RIMS2: variants seen among roughly 807,000 people sequenced by gnomAD.
RIMS2 encodes the protein regulating synaptic membrane exocytosis 2.
A neutral mutation model predicts 174.4 loss-of-function variants in RIMS2; 59 were observed. The ratio of observed to expected loss-of-function variants is 0.34; its 90% CI spans 0.27 to 0.42. The LOEUF is 0.42. Among genes scored for constraint, RIMS2 ranks in the 10% least tolerant of loss-of-function variants. RIMS2 has a pLI of 1.00. For missense variants in RIMS2, 1,620 were observed against 1,666.3 expected (o/e 0.97, Z 0.48); for synonymous variants, 606 against 572.5 (o/e 1.06, Z -0.84).
intron 2 of RIMS2, among the ~76,000 whole-genome samples, chr8:103,725,123 A>G (rs2097510731): frequency 6.6e-6 from 1 of 151,800 alleles, no homozygotes; most frequent in Admixed American, 6.6e-5. Flanking sequence ...GCAGATTACA[A>G]CTCCTATCTC....
intron 15 of RIMS2, among the ~76,000 whole-genome samples, chr8:103,973,565 A>C (rs2093125521): frequency 6.6e-6 from 1 of 152,234 alleles, no homozygotes; most frequent in Non-Finnish European, 1.5e-5. Flanking sequence ...GAGTATATCT[A>C]GATGGAAAGA....
intron 1 of RIMS2, among the ~76,000 whole-genome samples, chr8:103,608,680 A>G (rs866319876): frequency 5.9e-5 from 9 of 151,904 alleles, no homozygotes; most frequent in Admixed American, 2.0e-4. Context: ...CATGTGCAGG[A>G]TATAATCTCA....
intron 3 of RIMS2, among the ~76,000 whole-genome samples, chr8:103,771,678 G>A (rs2098255026): frequency 6.6e-6 from 1 of 152,076 alleles, no homozygotes; most frequent in Non-Finnish European, 1.5e-5. Flanking sequence ...ATCCTGAGAA[G>A]ACTTCCAGTT....
intron 19 of RIMS2, among the ~76,000 whole-genome samples, chr8:104,134,375 G>T (rs917286370): frequency 1.2e-4 from 19 of 152,208 alleles, no homozygotes; most frequent in African/African-American, 4.6e-4. Flanking sequence ...TGAGGTAGGA[G>T]AATTGCTTGA....
intron 18 of RIMS2, among the ~76,000 whole-genome samples, chr8:104,014,112 G>A (rs1279058881): frequency 2.0e-5 from 3 of 152,100 alleles, no homozygotes; most frequent in African/African-American, 7.2e-5. Flanking sequence ...TTTAATATAA[G>A]CCTGAGTAAA....
intron 19 of RIMS2, among the ~76,000 whole-genome samples, chr8:104,229,812 A>G (rs1435098384): frequency 1.3e-5 from 2 of 152,142 alleles, no homozygotes; most frequent in African/African-American, 4.8e-5. Context: ...AGTTTGGTCC[A>G]TCCCAATACA....
chr8:104,115,349 A>C (rs1348157012), intron 19 of RIMS2, among the ~76,000 whole-genome samples: 1 of 152,104 alleles, frequency 6.6e-6, no homozygotes, highest in Non-Finnish European at 1.5e-5. Flanking sequence ...TATAATGAGA[A>C]TTACATGCAG....
intron 4 of RIMS2, among the ~76,000 whole-genome samples, chr8:103,887,449 A>G (rs2099210536): frequency 1.3e-5 from 2 of 151,474 alleles, no homozygotes; most frequent in African/African-American, 4.8e-5. Flanking sequence ...TTTCATCTTT[A>G]AAAGCTCTTT....
At chr8:103,993,385 C>G (rs1306354544) in intron 17 of RIMS2, among the ~76,000 whole-genome samples, 1 of 151,948 alleles carries the variant, frequency 6.6e-6, no homozygotes, top group African/African-American at 2.4e-5. Context: ...GATATATATT[C>G]TAAAAAGGAA....
chr8:103,968,698 A>G (rs528251425), intron 15 of RIMS2, among the ~76,000 whole-genome samples: 1 of 152,136 alleles, frequency 6.6e-6, no homozygotes, highest in African/African-American at 2.4e-5. Flanking sequence ...AATTGAATAC[A>G]TTGTTGCTAT....
chr8:103,817,290 A>G (rs952779205), intron 3 of RIMS2, among the ~76,000 whole-genome samples: 4 of 152,178 alleles, frequency 2.6e-5, no homozygotes, highest in African/African-American at 9.7e-5. Context: ...TAGTTTTCCT[A>G]TTCATCTATT....
chr8:104,087,165 GAAT>G (rs2154564095), intron 19 of RIMS2, among the ~76,000 whole-genome samples: 1 of 152,026 alleles, frequency 6.6e-6, no homozygotes, highest in East Asian at 1.9e-4. Context: ...CTTCATAATG[GAAT>G]AATACTTCAG....
chr8:103,999,663 C>T (rs2095298617), intron 17 of RIMS2, among the ~76,000 whole-genome samples: 1 of 151,686 alleles, frequency 6.6e-6, no homozygotes, highest in South Asian at 2.1e-4. Context: ...TCTGGTGTCT[C>T]TTCATTTCAT....
chr8:103,687,920 T>G (rs2096962759), intron 1 of RIMS2, among the ~76,000 whole-genome samples: 2 of 152,096 alleles, frequency 1.3e-5, no homozygotes, highest in African/African-American at 4.8e-5. Flanking sequence ...CACTGATGGA[T>G]ACTTACATTG....
chr8:103,611,043 C>G (rs201864427), intron 1 of RIMS2, among the ~76,000 whole-genome samples: 1 of 152,060 alleles, frequency 6.6e-6, no homozygotes, highest in African/African-American at 2.4e-5. Context: ...CTTCCTGGTT[C>G]AGTCTTGGGA....
chr8:103,540,496 A>AC (rs1842041578), intron 1 of RIMS2, among the ~76,000 whole-genome samples: 1 of 152,100 alleles, frequency 6.6e-6, no homozygotes, highest in African/African-American at 2.4e-5. Flanking sequence ...GCACCCTTGT[A>AC]CCCCCACCAT....
rs16870984 is a variant in RIMS2 at position 104,120,925 on chromosome 8, C to T, written c.3334+106310C>T. On this transcript the variant is annotated intron_variant, in intron 19 of 23. Coordinates refer to ENST00000504942, the Ensembl canonical transcript of RIMS2. The stretch of plus-strand genomic sequence containing the variant: ...AACATGGGGATTAGCTAACTACTCT[C>T]TCACCTTGGCAGTATTTTACAAGAA... Among the ~76,000 whole-genome samples, 158 of 152,306 alleles carry T rather than the reference C, an allele frequency of 1.0e-3. 1 individual carries two copies. In the East Asian group the frequency reaches 0.021, roughly 20 times the overall value.
intron 3 of RIMS2, among the ~76,000 whole-genome samples, chr8:103,851,670 C>T (rs1366935731): frequency 6.6e-6 from 1 of 151,042 alleles, no homozygotes; most frequent in Non-Finnish European, 1.5e-5. Context: ...CACACACACA[C>T]ACACACACAC....
chr8:104,111,218 G>T (rs1299161932), intron 19 of RIMS2, among the ~76,000 whole-genome samples: 1 of 152,092 alleles, frequency 6.6e-6, no homozygotes, highest in African/African-American at 2.4e-5. Flanking sequence ...CTCAAGCAAT[G>T]ACACTAATAG....
Sources: gnomAD v4.1 joint callset for allele counts (sites outside exome capture counted in the v4.1 genomes callset) on GRCh38, gnomAD v4.1.1 for gene constraint, MANE v1.5 for transcripts, NCBI Gene and HGNC (gene_info 2026-07-23, HGNC 2026-07-21) for gene names.